Variants in CYTH4 observed in about 807,000 individuals in gnomAD.
CYTH4 encodes cytohesin 4, also known as cytohesin-4.
A neutral mutation model predicts 57.5 loss-of-function variants in CYTH4; 22 were observed. The observed-to-expected ratio is 0.38, with a 90% CI of 0.27 to 0.55. The LOEUF (loss-of-function observed/expected upper bound fraction) is 0.55. CYTH4 is among the 20% of genes least tolerant of loss of function. The pLI is 0.74. For synonymous variants in CYTH4, 186 were observed against 206.5 expected (o/e 0.90, Z 0.85); for missense variants, 420 against 535.6 (o/e 0.78, Z 2.13).
chr22:37,299,627 T>G (rs933268233), intron 6 of CYTH4, among the ~76,000 whole-genome samples: 2 of 152,256 alleles, frequency 1.3e-5, no homozygotes, highest in Non-Finnish European at 1.5e-5. Flanking sequence ...TTTATTTATT[T>G]TATAAGACTG....
At chr22:37,285,861 G>A (rs781600369) in intron 1 of CYTH4, among the ~76,000 whole-genome samples, 1 of 152,142 alleles carries the variant, frequency 6.6e-6, no homozygotes, top group African/African-American at 2.4e-5. Context: ...CAAGCCCGGG[G>A]CCATCATCAC....
chr22:37,300,615 C>T (rs1366395944), intron 6 of CYTH4, among the ~76,000 whole-genome samples: 4 of 152,350 alleles, frequency 2.6e-5, no homozygotes, highest in East Asian at 1.9e-4. Context: ...AGGCAGAGGC[C>T]GTCCCCCTTC....
At chr22:37,304,630 G>C (rs997819825) in intron 8 of CYTH4, among the ~76,000 whole-genome samples, 10 of 152,148 alleles carry the variant, frequency 6.6e-5, no homozygotes, top group African/African-American at 2.4e-4. Context: ...GAATGATTCT[G>C]GTGCCCCTCG....
intron 8 of CYTH4, among the ~76,000 whole-genome samples, chr22:37,306,636 T>G (rs1929407428): frequency 6.6e-6 from 1 of 152,208 alleles, no homozygotes; most frequent in African/African-American, 2.4e-5. Context: ...ACTGAAAAGA[T>G]CAGAGATCGA....
intron 1 of CYTH4, among the ~76,000 whole-genome samples, chr22:37,283,553 T>A (rs1418338916): frequency 6.7e-6 from 1 of 148,912 alleles, no homozygotes; most frequent in Admixed American, 6.6e-5. Context: ...CCACTGGGCA[T>A]CCCCCTTCCT....
chr22:37,308,623 T>C (rs374181765), intron 8 of CYTH4, among the ~76,000 whole-genome samples: 1,603 of 151,984 alleles, frequency 0.011, 10 homozygotes, highest in Non-Finnish European at 0.016. Flanking sequence ...TGCATAAGCA[T>C]GCATGTCTGT....
In CYTH4 at chr22:37,311,427, CCCTGA is replaced by C; in HGVS notation, c.886-25_886-21del. On this transcript the variant is annotated intron_variant, in intron 10 of 12. Coordinates refer to ENST00000248901, the MANE Select transcript of CYTH4 (RefSeq NM_013385.5). This position sits in a 1 kb window ranked among gnomAD's most constrained non-coding sequence, Gnocchi z 4.4. The stretch of plus-strand genomic sequence containing the variant: ...TGGGCCTCAGGGTTCCGCTTCCTGA[CCCTGA>C]CCTTCCTTCCCCTTTCCCTGTAGGA... 3.7e-6 allele frequency: 6 copies of C among 1,607,664 alleles called. No individual in the cohort carries two copies. The highest frequency in any genetic ancestry group is 5.1e-6 in the Non-Finnish European group (6 of 1,174,180).
In CYTH4 at chr22:37,296,028, G is replaced by A. The variant is rs1253254958; in HGVS notation, c.197G>A (p.Cys66Tyr). The change falls in exon 4 of 13, where the codon TGT becomes TAT. Residue 66 changes from cysteine to tyrosine, a missense_variant. By Grantham distance (194) the Cys-to-Tyr change is radical (BLOSUM62 -2). Transcript: ENST00000248901. Reference sequence around the variant, plus strand: ...ATGGCCCAGAAGGAGAAGGAGCTGTGTATTGGGCGCAAGAAGTTCAACATG... The same window carrying A: ...ATGGCCCAGAAGGAGAAGGAGCTGTATATTGGGCGCAAGAAGTTCAACATG... ...SRMAQKEKEL[C>Y]IGRKKFNMDP... 1 of 1,613,338 alleles carries A rather than the reference G, an allele frequency of 6.2e-7. No individual in the cohort carries two copies. The highest frequency in any genetic ancestry group is 8.5e-7 in the Non-Finnish European group (1 of 1,179,678).
At chr22:37,282,641 G>T in intron 1 of CYTH4, 53 bp downstream of exon 1, 1 of 1,489,742 alleles carries the variant, frequency 6.7e-7, no homozygotes, top group Non-Finnish European at 9.2e-7. Flanking sequence ...CTTTTAGAAT[G>T]GGACAGCAGC....
chr22:37,303,743 T>C (rs115999498), intron 8 of CYTH4, among the ~76,000 whole-genome samples: 312 of 152,302 alleles, frequency 2.0e-3, no homozygotes, highest in African/African-American at 7.1e-3. Context: ...TTTCTTAGAA[T>C]AGAGATTCTT....
rs141199410 is a variant in CYTH4, at chr22:37,314,658, T to C, written c.*1147T>C. On this transcript the variant is annotated 3_prime_UTR_variant, in exon 13 of 13. Coordinates refer to ENST00000248901, the MANE Select transcript of CYTH4 (RefSeq NM_013385.5). ...TTATCAGAGTAGAGCTGACTTCCAG[T>C]ACCCGGGCAGCCAGCTCTGTCTCCA... 3.0e-3 allele frequency: 1,081 copies of C among 364,000 alleles called. 10 individuals are homozygous for C. Among genetic ancestry groups the C allele is most frequent in the African/African-American group, 0.021 (1,007 of 47,954 alleles). The allele number at this position is 364,000 out of a possible 1,614,324, so 22.5% of individuals were successfully genotyped here.
In CYTH4 at chr22:37,298,724, G is replaced by A. The variant is rs1929067824; in HGVS notation, c.354-502G>A. Among the ~76,000 whole-genome samples the A allele has an allele frequency of 6.6e-6, 1 of 152,162 alleles. No homozygotes were observed. The highest frequency in any genetic ancestry group is 2.1e-4 in the South Asian group (1 of 4,832). On this transcript the variant is annotated intron_variant, in intron 5 of 12. Transcript: ENST00000248901. This position sits in a 1 kb window ranked among gnomAD's most constrained non-coding sequence, Gnocchi z 4.1. ...TGGATAGGGGTGAAGCTGGACCAGA[G>A]AGTCAACAGCCCTCTCCCCAGCTCC...
chr22:37,290,591 C>T (rs1025058370), intron 1 of CYTH4, among the ~76,000 whole-genome samples: 12 of 152,118 alleles, frequency 7.9e-5, no homozygotes, highest in African/African-American at 1.7e-4. Context: ...CTGCAAGCTC[C>T]GCCTCCCAGG....
intron 8 of CYTH4, among the ~76,000 whole-genome samples, chr22:37,308,041 C>T (rs193220310): frequency 0.012 from 1,890 of 151,350 alleles, 37 homozygotes; most frequent in African/African-American, 0.044. Context: ...TTTCTGGGAA[C>T]TCCCCAGACC....
rs983980616 is a variant in CYTH4, at chr22:37,295,888, T to C, written c.168-111T>C. ...CCCATGCAGGACCCGGAGGCCACAC[T>C]TGGAGGGCCCTAGAGGGGTATGGGC... is the stretch of plus-strand genomic sequence containing the variant. On this transcript the variant is annotated intron_variant, in intron 3 of 12. Coordinates refer to ENST00000248901, the MANE Select transcript of CYTH4 (RefSeq NM_013385.5). This position sits in a 1 kb window ranked among gnomAD's most constrained non-coding sequence, Gnocchi z 4.1. 3.5e-6 allele frequency: 4 copies of C among 1,152,584 alleles called. No homozygotes were observed. The African/African-American group carries it at 4.6e-5, about 13-fold the overall frequency. The allele number at this position is 1,152,584 out of a possible 1,614,324, so 71.4% of individuals were successfully genotyped here.
chr22:37,307,734 T>G (rs1025685677), intron 8 of CYTH4, among the ~76,000 whole-genome samples: 2 of 152,218 alleles, frequency 1.3e-5, no homozygotes, highest in African/African-American at 4.8e-5. Context: ...AGGAAATGAT[T>G]TCATCCTCTG....
At chr22:37,297,098 G>A (rs1023075320) in intron 4 of CYTH4, among the ~76,000 whole-genome samples, 3 of 152,210 alleles carry the variant, frequency 2.0e-5, no homozygotes, top group Non-Finnish European at 4.4e-5. Context: ...GAGCGGTAGG[G>A]CCCGGGCAAT....
intron 8 of CYTH4, among the ~76,000 whole-genome samples, chr22:37,308,562 G>C (rs1336360692): frequency 1.3e-5 from 2 of 152,018 alleles, no homozygotes; most frequent in African/African-American, 2.4e-5. Context: ...GTGTGCGTGT[G>C]TATACATGTA....
intron 8 of CYTH4, among the ~76,000 whole-genome samples, chr22:37,305,268 C>G (rs1929352682): frequency 6.6e-6 from 1 of 152,208 alleles, no homozygotes; most frequent in South Asian, 2.1e-4. Flanking sequence ...TTGTATGGAA[C>G]TTGTAAGTTT....
Sources: gnomAD v4.1 joint callset for allele counts (sites outside exome capture counted in the v4.1 genomes callset) on GRCh38, gnomAD v4.1.1 for gene constraint, Gnocchi (gnomAD v3.1) non-coding constraint, MANE v1.5 for transcripts, NCBI Gene and HGNC (gene_info 2026-07-23, HGNC 2026-07-21) for gene names.